The following KDM7A variants were observed in gnomAD, a reference collection of about 807,000 sequenced individuals.
KDM7A encodes lysine-specific demethylase 7A.
In KDM7A, 28 loss-of-function variants were observed where a neutral mutation model predicts 114.8. The ratio of observed to expected loss-of-function variants is 0.24; its 90% CI spans 0.18 to 0.33. The LOEUF (loss-of-function observed/expected upper bound fraction) is 0.33. Ranked by LOEUF, KDM7A falls within the 10% of genes least tolerant of loss-of-function variation. The pLI, the probability that KDM7A is intolerant of heterozygous loss-of-function variation, is 1.00. For missense variants in KDM7A, 942 were observed against 1,142.5 expected (o/e 0.82, Z 2.53); for synonymous variants, 423 against 397.8 (o/e 1.06, Z -0.75).
At chr7:140,172,889 G>A (rs950413278) in intron 1 of KDM7A, among the ~76,000 whole-genome samples, 6 of 152,040 alleles carry the variant, frequency 3.9e-5, no homozygotes, top group African/African-American at 1.4e-4. Flanking sequence ...TAAAATAGTG[G>A]TAATCACTGG....
rs773689641 is a variant in KDM7A at position 140,096,544 on chromosome 7, A to G, written c.2374+11T>C. The G allele has an allele frequency of 4.4e-6, 7 of 1,603,170 alleles. No individual in the cohort carries two copies. In the African/African-American group the frequency reaches 9.4e-5, roughly 21 times the overall value. On this transcript the variant is annotated intron_variant, in intron 17 of 19. Coordinates refer to ENST00000397560, the MANE Select transcript of KDM7A (RefSeq NM_030647.2). The stretch of plus-strand genomic sequence containing the variant: ...GTTACTTTTTAGAGACTGATAATTT[A>G]TGTTTCTTACCACATTCCACTGGTT...
chr7:140,139,120 G>A lies in KDM7A; in HGVS notation c.265C>T (p.His89Tyr), dbSNP rs1282078043. Reference protein sequence around the residue: ...LYHCPNCAVLHGSSLMKKRRN... With the variant: ...LYHCPNCAVLYGSSLMKKRRN... ...TAGTACTTACTCAAGGAGGAACCAT[G>A]TAAAACTGCACAGTTGGGACAGTGA... Residue 89 changes from histidine (H) to tyrosine (Y), a missense_variant, in exon 2 of 20, where the codon CAT (histidine) becomes TAT (tyrosine). Around this residue, in one of 4 missense-constraint regions of KDM7A, gnomAD observed 318 missense variants for 453.1 expected, o/e 0.70. Coordinates refer to ENST00000397560, the MANE Select transcript of KDM7A (RefSeq NM_030647.2). 1.1e-5 allele frequency: 17 copies of A among 1,610,764 alleles called. No homozygotes were observed. Among genetic ancestry groups the A allele is most frequent in the East Asian group, 2.2e-5 (1 of 44,798 alleles).
chr7:140,136,298 T>C (rs1818869477), intron 2 of KDM7A, among the ~76,000 whole-genome samples: 1 of 152,210 alleles, frequency 6.6e-6, no homozygotes, highest in Non-Finnish European at 1.5e-5. Flanking sequence ...GTGCCTACCA[T>C]GTAATAAGCT....
intron 7 of KDM7A, among the ~76,000 whole-genome samples, chr7:140,123,899 T>C (rs1415800622): frequency 6.6e-6 from 1 of 151,416 alleles, no homozygotes; most frequent in Non-Finnish European, 1.5e-5. Flanking sequence ...TGACACCCGG[T>C]CTCTACTAAA....
chr7:140,134,708 G>C (rs916744786), intron 2 of KDM7A, among the ~76,000 whole-genome samples: 1 of 152,144 alleles, frequency 6.6e-6, no homozygotes, highest in Non-Finnish European at 1.5e-5. Flanking sequence ...ATATGTGTTA[G>C]AGCATGTAAT....
At chr7:140,118,427 T>G (rs1818566596) in intron 9 of KDM7A, among the ~76,000 whole-genome samples, 1 of 152,176 alleles carries the variant, frequency 6.6e-6, no homozygotes, top group Admixed American at 6.5e-5. Flanking sequence ...CTGACTTTTT[T>G]TTTTTGGAGA....
intron 10 of KDM7A, 31 bp from the exon 11 acceptor site, chr7:140,111,215 C>A: frequency 4.9e-6 from 7 of 1,423,078 alleles, no homozygotes; most frequent in Non-Finnish European, 5.9e-6. Context: ...ATAAGAAAAC[C>A]AAAGTTATTT....
Position 140,169,485 on chromosome 7 carries a change from G to T in KDM7A, c.194+7259C>A, listed in dbSNP as rs73160856. On this transcript the variant is annotated intron_variant, in intron 1 of 19. Transcript: ENST00000397560. Reference sequence around the variant, plus strand: ...TTTCATACCGAAAAATACAGAACAGGAGAGCATTCCAAGCAGAAATATACC... The same window carrying T: ...TTTCATACCGAAAAATACAGAACAGTAGAGCATTCCAAGCAGAAATATACC... Among the ~76,000 whole-genome samples the T allele has an allele frequency of 1.8e-3, 275 of 152,200 alleles. 2 individuals carry two copies. The highest frequency in any genetic ancestry group is 0.011 in the South Asian group (54 of 4,828).
At position 140,161,075 on chromosome 7, in the gene KDM7A, T is replaced by A. The variant is rs374721480; in HGVS notation, c.194+15669A>T. 2.6e-5 allele frequency among the ~76,000 whole-genome samples: 4 copies of A among 152,242 alleles called. No individual in the cohort carries two copies. In the East Asian group the frequency reaches 5.8e-4, roughly 22 times the overall value. ...GAAGAATGTAAGAGAGGAATATGAATCAGACCTGTGACAAGTTAAATTACG... is the reference window on the plus strand; with the variant it reads ...GAAGAATGTAAGAGAGGAATATGAAACAGACCTGTGACAAGTTAAATTACG... On this transcript the variant is annotated intron_variant, in intron 1 of 19. Coordinates refer to ENST00000397560, the MANE Select transcript of KDM7A (RefSeq NM_030647.2).
At position 140,096,957 on chromosome 7, in the gene KDM7A, T is replaced by A; in HGVS notation, c.2107A>T (p.Met703Leu). The A allele has an allele frequency of 6.2e-7, 1 of 1,613,712 alleles. No individual in the cohort carries two copies. Among genetic ancestry groups the A allele is most frequent in the Non-Finnish European group, 8.5e-7 (1 of 1,179,692 alleles). ...TGGCTCTTTTGAAGGAAGTTCCTCA[T>A]CACATTAGATTCCTCCTTAAAGTTG... is the stretch of plus-strand genomic sequence containing the variant. ...TSNFKEESNV[M>L]RNFLQKSQKP... Residue 703 changes from methionine (M) to leucine (L), a missense_variant, in exon 16 of 20, where the codon ATG (methionine) becomes TTG (leucine). By Grantham distance (15) the Met-to-Leu change is conservative (BLOSUM62 2). Transcript: ENST00000397560.
chr7:140,119,950 A>G (rs1818592770), intron 8 of KDM7A, among the ~76,000 whole-genome samples: 1 of 152,220 alleles, frequency 6.6e-6, no homozygotes, highest in Non-Finnish European at 1.5e-5. Context: ...TACCTAGTAA[A>G]AGTCAACACT....
intron 7 of KDM7A, 35 bp downstream of exon 7, chr7:140,124,586 A>G (rs375297247): frequency 3.2e-6 from 5 of 1,544,918 alleles, no homozygotes; most frequent in Admixed American, 2.0e-5. Context: ...GTGACTATCA[A>G]TCATGTTGAG....
At chr7:140,154,043 T>C (rs1794431023) in intron 1 of KDM7A, among the ~76,000 whole-genome samples, 1 of 152,174 alleles carries the variant, frequency 6.6e-6, no homozygotes, top group Non-Finnish European at 1.5e-5. Flanking sequence ...AGTCTGTACT[T>C]ATGCATTCAT....
chr7:140,131,641 AT>A (rs1310606943), intron 3 of KDM7A, among the ~76,000 whole-genome samples: 4 of 152,196 alleles, frequency 2.6e-5, no homozygotes, highest in African/African-American at 9.6e-5. Flanking sequence ...CCCAATAAGC[AT>A]CCACAATTGT....
At chr7:140,106,252 A>C (rs568516426) in intron 11 of KDM7A, among the ~76,000 whole-genome samples, 3 of 151,932 alleles carry the variant, frequency 2.0e-5, no homozygotes, top group Admixed American at 1.3e-4. Flanking sequence ...AGATTCATTG[A>C]TTTTTTTGAA....
chr7:140,159,406 T>C (rs1232543147), intron 1 of KDM7A, among the ~76,000 whole-genome samples: 2 of 143,668 alleles, frequency 1.4e-5, no homozygotes, highest in Non-Finnish European at 3.0e-5. Flanking sequence ...ATTGGCATGC[T>C]AACAAAAAAA....
chr7:140,124,510 A>T, intron 7 of KDM7A, 111 bp downstream of exon 7: 1 of 689,062 alleles, frequency 1.5e-6, no homozygotes, highest in South Asian at 2.8e-5. Context: ...ATTTCTTAAC[A>T]AATGTCATAA....
In KDM7A at chr7:140,119,185, C is replaced by A. The variant is rs1443302817; in HGVS notation, c.1174G>T (p.Asp392Tyr). The A allele has an allele frequency of 6.2e-7, 1 of 1,608,304 alleles. No homozygotes were observed. Among genetic ancestry groups the A allele is most frequent in the Non-Finnish European group, 8.5e-7 (1 of 1,176,190 alleles). Reference sequence around the variant, plus strand: ...TCAAAGAAAGGGAATTTGAAAAGATCTGGTGTTTTTAGCCTTTTCTCCATC... The same window carrying A: ...TCAAAGAAAGGGAATTTGAAAAGATATGGTGTTTTTAGCCTTTTCTCCATC... ...YEMEKRLKTP[D>Y]LFKFPFFEAI... Residue 392 changes from aspartate to tyrosine, a missense_variant, in exon 9 of 20, where the codon GAT (aspartate) becomes TAT (tyrosine). Physicochemically the swap from Asp to Tyr is radical, Grantham distance 160. Around this residue, in one of 4 missense-constraint regions of KDM7A, gnomAD observed 318 missense variants for 453.1 expected, o/e 0.70. Coordinates refer to ENST00000397560, the MANE Select transcript of KDM7A (RefSeq NM_030647.2).
intron 2 of KDM7A, 142 bp from the exon 3 acceptor site, chr7:140,133,798 T>C (rs556617845): frequency 2.7e-5 from 14 of 525,918 alleles, no homozygotes; most frequent in Admixed American, 3.3e-5. Context: ...TTTCCAGGCC[T>C]GAGAATTTTG....
Sources: allele counts gnomAD v4.1 joint callset (sites outside exome capture counted in the v4.1 genomes callset), GRCh38; gene constraint gnomAD v4.1.1; regional missense constraint gnomAD v4.1.1; transcripts MANE v1.5; gene names NCBI Gene and HGNC (gene_info 2026-07-23, HGNC 2026-07-21).